The following HDAC4 variants were observed in gnomAD, a reference collection of about 807,000 sequenced individuals.
The protein encoded by HDAC4 is histone deacetylase 4.
In HDAC4, 16 loss-of-function variants were observed where a neutral mutation model predicts 135.1. That is an observed-to-expected ratio of 0.12 (90% CI 0.08 to 0.18). The LOEUF is 0.18. Among genes scored for constraint, HDAC4 ranks in the 10% least tolerant of loss-of-function variants. HDAC4 has a pLI of 1.00. For synonymous variants in HDAC4, 685 were observed against 653.4 expected (o/e 1.05, Z -0.74); for missense variants, 1,143 against 1,511.8 (o/e 0.76, Z 4.05).
chr2:239,117,768 G>A (rs2039275765), intron 12 of HDAC4, among the ~76,000 whole-genome samples: 1 of 152,140 alleles, frequency 6.6e-6, no homozygotes, highest in African/African-American at 2.4e-5. Flanking sequence ...CGTGGGGAAC[G>A]GCCTGAAGGG....
chr2:239,327,780 G>C (rs1465781591), intron 2 of HDAC4, among the ~76,000 whole-genome samples: 1 of 152,172 alleles, frequency 6.6e-6, no homozygotes, highest in Non-Finnish European at 1.5e-5. Flanking sequence ...CCCAGAGCAA[G>C]CCTAGAGACA....
chr2:239,053,070 CAA>C lies in HDAC4; in HGVS notation c.*25_*26del, dbSNP rs769262320. On this transcript the variant is annotated 3_prime_UTR_variant, in exon 27 of 27. Coordinates refer to ENST00000543185, the MANE Select transcript of HDAC4 (RefSeq NM_001378414.1). ...GAGCTTCAAGACAGAGACAGACAGA[CAA>C]GAGAACAGCAGCTTCGAGGGAGTGC... is the stretch of plus-strand genomic sequence containing the variant. 7 of 1,613,886 alleles carry C rather than the reference CAA, an allele frequency of 4.3e-6. No individual in the cohort carries two copies. The highest frequency in any genetic ancestry group is 2.2e-5 in the South Asian group (2 of 91,082).
intron 1 of HDAC4, among the ~76,000 whole-genome samples, chr2:239,372,012 G>A (rs973653897): frequency 1.3e-5 from 2 of 152,234 alleles, no homozygotes; most frequent in Non-Finnish European, 2.9e-5. Context: ...AAGCAGACCA[G>A]GGCAGGGCGC....
chr2:239,289,272 G>T (rs367892477), intron 2 of HDAC4, among the ~76,000 whole-genome samples: 1 of 152,166 alleles, frequency 6.6e-6, no homozygotes, highest in African/African-American at 2.4e-5. Flanking sequence ...AATATACAAG[G>T]TTATCTTTAT....
chr2:239,252,149 C>G (rs1229995611), intron 2 of HDAC4, among the ~76,000 whole-genome samples: 2 of 152,220 alleles, frequency 1.3e-5, no homozygotes, highest in African/African-American at 4.8e-5. Context: ...CACATGACGA[C>G]TGTCATGGTG....
At chr2:239,116,876 C>T (rs2039183687) in intron 12 of HDAC4, among the ~76,000 whole-genome samples, 1 of 152,350 alleles carries the variant, frequency 6.6e-6, no homozygotes, top group Non-Finnish European at 1.5e-5. Flanking sequence ...CCGTGCATGT[C>T]ACCTTTTCCA....
chr2:239,347,753 G>C (rs1054232350), intron 2 of HDAC4, among the ~76,000 whole-genome samples: 3 of 152,166 alleles, frequency 2.0e-5, no homozygotes, highest in Non-Finnish European at 4.4e-5. Flanking sequence ...GACCTCAAAT[G>C]ATCTGCCCAC....
intron 2 of HDAC4, among the ~76,000 whole-genome samples, chr2:239,315,321 G>A (rs1383741462): frequency 1.3e-5 from 2 of 152,130 alleles, no homozygotes; most frequent in African/African-American, 4.8e-5. Flanking sequence ...TCACAGGCAC[G>A]TCCTTAAGCT....
chr2:239,230,559 G>C (rs1465854355), intron 3 of HDAC4, among the ~76,000 whole-genome samples: 2 of 152,064 alleles, frequency 1.3e-5, no homozygotes, highest in African/African-American at 4.8e-5. Context: ...CCAGGACGAG[G>C]CCGCCACGGC....
Position 239,348,190 on chromosome 2 carries a change from C to T in HDAC4, c.22+4488G>A, listed in dbSNP as rs569571459. Among the ~76,000 whole-genome samples the T allele has an allele frequency of 5.9e-3, 885 of 149,766 alleles. 4 individuals are homozygous for T. The highest frequency in any genetic ancestry group is 0.011 in the Middle Eastern group (3 of 284). ...CTGCTTCCTATCGAGAGCACCATCC[C>T]GCTGACCACAGACACGTCCCAGCAA... On this transcript the variant is annotated intron_variant, in intron 2 of 26. Transcript: ENST00000543185.
chr2:239,352,622 A>G lies in HDAC4; in HGVS notation c.22+56T>C, dbSNP rs1198968785. The G allele has an allele frequency of 6.6e-7, 1 of 1,520,552 alleles. No individual in the cohort carries two copies. Among genetic ancestry groups the G allele is most frequent in the East Asian group, 2.5e-5 (1 of 40,778 alleles). 94.2% of individuals were successfully genotyped at this position (1,520,552 alleles called of 1,614,324 possible). ...GCAAGCTGCAGTCACAAGAACTTCT[A>G]CTTTGGGCAAAGAAAGCCCCGCTGT... On this transcript the variant is annotated intron_variant, in intron 2 of 26. Coordinates refer to ENST00000543185, the MANE Select transcript of HDAC4 (RefSeq NM_001378414.1). The surrounding 1 kb of genome is among the most constrained non-coding windows in gnomAD (Gnocchi z 4.4).
At chr2:239,374,386 C>CTTTTTTGTT (rs1694848357) in intron 1 of HDAC4, among the ~76,000 whole-genome samples, 1 of 56,666 alleles carries the variant, frequency 1.8e-5, no homozygotes, top group Non-Finnish European at 3.0e-5. Context: ...GAAAACAAGG[C>CTTTTTTGTT]TTTTTTTTTT....
At chr2:239,163,764 C>G in intron 6 of HDAC4, 39 bp downstream of exon 6, 1 of 1,611,224 alleles carries the variant, frequency 6.2e-7, no homozygotes, top group East Asian at 2.2e-5. Context: ...TCTGGGCCCC[C>G]AGAGAGGAGG....
intron 1 of HDAC4, among the ~76,000 whole-genome samples, chr2:239,372,401 CCACA>C (rs1392723221): frequency 6.6e-6 from 1 of 152,262 alleles, no homozygotes; most frequent in African/African-American, 2.4e-5. Flanking sequence ...AGTAACACCA[CCACA>C]CAAAGACACA....
intron 8 of HDAC4, among the ~76,000 whole-genome samples, chr2:239,140,501 G>A (rs555399049): frequency 5.3e-5 from 8 of 152,286 alleles, no homozygotes; most frequent in South Asian, 2.1e-4. Flanking sequence ...GTGGGAGGCC[G>A]CTGAGGCTCT....
At chr2:239,300,296 TC>T (rs1422928499) in intron 2 of HDAC4, among the ~76,000 whole-genome samples, 1 of 152,202 alleles carries the variant, frequency 6.6e-6, no homozygotes, top group Non-Finnish European at 1.5e-5. Context: ...TCTAGAGCCT[TC>T]CTGAGAGTGC....
At chr2:239,384,732 C>A (rs760491764) in intron 1 of HDAC4, among the ~76,000 whole-genome samples, 1 of 152,212 alleles carries the variant, frequency 6.6e-6, no homozygotes, top group Non-Finnish European at 1.5e-5. Flanking sequence ...GACATGGCCC[C>A]AGCACCATAT....
chr2:239,338,380 C>T (rs1692085429), intron 2 of HDAC4, among the ~76,000 whole-genome samples: 1 of 152,082 alleles, frequency 6.6e-6, no homozygotes, highest in Non-Finnish European at 1.5e-5. Context: ...CCATCAGTGC[C>T]CCAAAATCCC....
rs545334531 is a variant in HDAC4 at position 239,374,887 on chromosome 2, G to A, written c.-219-21969C>T. On this transcript the variant is annotated intron_variant, in intron 1 of 26. Transcript: ENST00000543185. ...CTGCACAGGCCCACCCTGGCGGTAC[G>A]TGAAGGGCAGCGTGCAAATCGGGCA... Among the ~76,000 whole-genome samples, 38 of 152,326 alleles carry A rather than the reference G, an allele frequency of 2.5e-4. 1 individual carries two copies. The highest frequency in any genetic ancestry group is 8.2e-4 in the African/African-American group (34 of 41,576).
Sources: allele counts gnomAD v4.1 joint callset (sites outside exome capture counted in the v4.1 genomes callset), GRCh38; gene constraint gnomAD v4.1.1; non-coding constraint Gnocchi (gnomAD v3.1); transcripts MANE v1.5; gene names NCBI Gene and HGNC (gene_info 2026-07-23, HGNC 2026-07-21).